Variants in SRBD1 observed in about 807,000 individuals in gnomAD.
The protein encoded by SRBD1 is S1 RNA-binding domain-containing protein 1.
A neutral mutation model predicts 115.3 loss-of-function variants in SRBD1; 88 were observed. That is an observed-to-expected ratio of 0.76 (90% CI 0.64 to 0.91). The LOEUF (loss-of-function observed/expected upper bound fraction) is 0.91, where lower values mean the gene tolerates loss of function less well. SRBD1 is among the 40% of genes least tolerant of loss of function. SRBD1 has a pLI of 0.00. For missense variants in SRBD1, 1,385 were observed against 1,177.4 expected (o/e 1.18, Z -2.58); for synonymous variants, 509 against 407.7 (o/e 1.25, Z -2.99).
At chr2:45,577,065 T>C (rs1481760357) in intron 7 of SRBD1, among the ~76,000 whole-genome samples, 1 of 152,136 alleles carries the variant, frequency 6.6e-6, no homozygotes, top group African/African-American at 2.4e-5. Flanking sequence ...CTTCACGGAG[T>C]GTCCCAGATA....
At chr2:45,501,377 C>A (rs1442919319) in intron 14 of SRBD1, among the ~76,000 whole-genome samples, 1 of 152,162 alleles carries the variant, frequency 6.6e-6, no homozygotes, top group Admixed American at 6.5e-5. Flanking sequence ...CCTGCGTGAG[C>A]GACACAGAAC....
intron 16 of SRBD1, among the ~76,000 whole-genome samples, chr2:45,466,922 A>C (rs1014447093): frequency 1.3e-5 from 2 of 152,194 alleles, no homozygotes; most frequent in Non-Finnish European, 2.9e-5. Flanking sequence ...TTATCACCTG[A>C]GTGCTTCCTA....
intron 16 of SRBD1, among the ~76,000 whole-genome samples, chr2:45,468,219 A>C (rs1669548037): frequency 6.6e-6 from 1 of 152,094 alleles, no homozygotes; most frequent in Non-Finnish European, 1.5e-5. Context: ...TTTCTCGCTT[A>C]ACATTACATC....
intron 10 of SRBD1, among the ~76,000 whole-genome samples, chr2:45,559,703 G>GA (rs368764369): frequency 5.4e-5 from 8 of 148,590 alleles, no homozygotes; most frequent in South Asian, 4.2e-4. Context: ...GTGCTTAAAG[G>GA]AAAAAAAAAA....
At chr2:45,567,236 T>C (rs1362102263) in intron 9 of SRBD1, among the ~76,000 whole-genome samples, 1 of 152,178 alleles carries the variant, frequency 6.6e-6, no homozygotes, top group East Asian at 1.9e-4. Flanking sequence ...AAAAAAATTA[T>C]ATAGGGGACT....
rs546414199 is a variant in SRBD1, at chr2:45,523,505, T to C, written c.1874+23227A>G. The stretch of plus-strand genomic sequence containing the variant: ...AGACTTAAATTACTAAAACTAGAAA[T>C]GAACAGGGGACATTATTACTGACCT... On this transcript the variant is annotated intron_variant, in intron 14 of 20. Transcript: ENST00000263736. Among the ~76,000 whole-genome samples, 42 of 151,708 alleles carry C rather than the reference T, an allele frequency of 2.8e-4. 1 individual carries two copies. Among genetic ancestry groups the C allele is most frequent in the Non-Finnish European group, 1.0e-4 (7 of 67,814 alleles).
At chr2:45,401,001 A>C (rs1180189861) in intron 19 of SRBD1, among the ~76,000 whole-genome samples, 1 of 152,196 alleles carries the variant, frequency 6.6e-6, no homozygotes, top group East Asian at 1.9e-4. Context: ...ACAGTGTGTA[A>C]GACATTGGAT....
At chr2:45,568,240 C>T (rs1291315994) in intron 9 of SRBD1, among the ~76,000 whole-genome samples, 1 of 152,166 alleles carries the variant, frequency 6.6e-6, no homozygotes, top group Non-Finnish European at 1.5e-5. Flanking sequence ...AAAAAAGATG[C>T]AGCTGGAAGA....
At chr2:45,390,304 G>C (rs984657683) in intron 20 of SRBD1, among the ~76,000 whole-genome samples, 6 of 152,142 alleles carry the variant, frequency 3.9e-5, no homozygotes, top group Admixed American at 2.0e-4. Context: ...CTGGGTGCTA[G>C]AGAAACAATG....
At position 45,505,572 on chromosome 2, in the gene SRBD1, T is replaced by C. The variant is rs145427438; in HGVS notation, c.1875-17241A>G. Among the ~76,000 whole-genome samples, 430 of 152,336 alleles carry C rather than the reference T, an allele frequency of 2.8e-3. 2 individuals carry two copies. Among genetic ancestry groups the C allele is most frequent in the African/African-American group, 1.0e-2 (415 of 41,582 alleles). Reference sequence around the variant, plus strand: ...AGAAGAAAATGGCCACCAAATTCTTTGTTAAGTCTACAAATGAGTATAATT... The same window carrying C: ...AGAAGAAAATGGCCACCAAATTCTTCGTTAAGTCTACAAATGAGTATAATT... On this transcript the variant is annotated intron_variant, in intron 14 of 20. Transcript: ENST00000263736.
intron 14 of SRBD1, among the ~76,000 whole-genome samples, chr2:45,515,913 TTCACTCCA>T (rs1671104181): frequency 6.6e-6 from 1 of 152,164 alleles, no homozygotes. Flanking sequence ...TGGTGGCTGA[TTCACTCCA>T]TGACAAGTCC....
intron 2 of SRBD1, 117 bp from the exon 3 acceptor site, chr2:45,602,200 G>C: frequency 8.7e-7 from 1 of 1,144,230 alleles, no homozygotes; most frequent in Non-Finnish European, 1.2e-6. Flanking sequence ...ATATAAAATG[G>C]AGTGATTGAG....
At chr2:45,404,994 T>C (rs1485336768) in intron 19 of SRBD1, among the ~76,000 whole-genome samples, 1 of 152,122 alleles carries the variant, frequency 6.6e-6, no homozygotes, top group Non-Finnish European at 1.5e-5. Context: ...AGACTTTTCT[T>C]AAATGTCACC....
chr2:45,481,810 G>GC (rs1194795335), intron 15 of SRBD1, among the ~76,000 whole-genome samples: 5 of 152,148 alleles, frequency 3.3e-5, no homozygotes, highest in African/African-American at 1.2e-4. Context: ...ACATGCTACA[G>GC]CATGGTTGAA....
chr2:45,595,321 T>C (rs914527980), intron 4 of SRBD1, among the ~76,000 whole-genome samples: 4 of 152,236 alleles, frequency 2.6e-5, no homozygotes, highest in African/African-American at 7.2e-5. Context: ...TGGGGAATAG[T>C]ACACAAAATA....
intron 6 of SRBD1, among the ~76,000 whole-genome samples, chr2:45,581,284 A>G (rs1408862672): frequency 2.6e-5 from 4 of 152,050 alleles, no homozygotes; most frequent in African/African-American, 9.7e-5. Context: ...CACACTTCAA[A>G]AGGTGGTAAC....
Position 45,579,964 on chromosome 2 carries a change from C to T in SRBD1, c.983G>A (p.Arg328Lys). ...GSKGTKAQRA[R>K]QLGLEGAARA... ...GGCTGCTCCTTCTAAGCCCAACTGT[C>T]TTGCTCTCTGGGCTTTAGTCCCTTT... The change falls in exon 7 of 21, where the codon AGA (arginine) becomes AAA (lysine). Residue 328 changes from arginine (R) to lysine (K), a missense_variant. Physicochemically the swap from Arg to Lys is conservative, Grantham distance 26. Transcript: ENST00000263736. 6.2e-7 allele frequency: 1 copy of T among 1,606,976 alleles called. No homozygotes were observed. Among genetic ancestry groups the T allele is most frequent in the Non-Finnish European group, 8.5e-7 (1 of 1,176,776 alleles).
intron 9 of SRBD1, among the ~76,000 whole-genome samples, chr2:45,566,952 C>T (rs1242146627): frequency 6.6e-6 from 1 of 152,128 alleles, no homozygotes; most frequent in African/African-American, 2.4e-5. Context: ...ACTAAGTTCT[C>T]CCTTTACAGG....
chr2:45,560,355 T>C (rs1259941355), intron 10 of SRBD1, among the ~76,000 whole-genome samples: 4 of 152,356 alleles, frequency 2.6e-5, no homozygotes, highest in South Asian at 2.1e-4. Flanking sequence ...CTGAGTATTA[T>C]GAATATTTAC....
Sources: allele counts gnomAD v4.1 joint callset (sites outside exome capture counted in the v4.1 genomes callset), GRCh38; gene constraint gnomAD v4.1.1; transcripts MANE v1.5; gene names NCBI Gene and HGNC (gene_info 2026-07-23, HGNC 2026-07-21).